Variants in CNTNAP2 observed in about 807,000 individuals in gnomAD.
CNTNAP2 encodes contactin-associated protein-like 2.
CNTNAP2 carries 98 observed loss-of-function variants against 155.2 expected under a neutral mutation model. That is an observed-to-expected ratio of 0.63 (90% confidence interval 0.54 to 0.75). The LOEUF is 0.75. CNTNAP2 is among the 30% of genes least tolerant of loss of function. The probability of loss-of-function intolerance (pLI) is 0.00; values close to 1 mark genes in which losing one functional copy is unlikely to be tolerated. For missense variants in CNTNAP2, 1,727 were observed against 1,688.1 expected, an observed-to-expected ratio of 1.02 and a Z score of -0.40; for synonymous variants, 651 against 631.2, an observed-to-expected ratio of 1.03 and a Z score of -0.47.
intron 9 of CNTNAP2, among the ~76,000 whole-genome samples, chr7:147,388,372 C>T (rs1796656199): frequency 1.3e-5 from 2 of 152,100 alleles, no homozygotes; most frequent in South Asian, 4.1e-4. Context: ...GCATAGAAAC[C>T]AGGATCTGGG....
chr7:147,402,217 T>C (rs1259613715), intron 10 of CNTNAP2, among the ~76,000 whole-genome samples: 2 of 152,188 alleles, frequency 1.3e-5, no homozygotes, highest in Non-Finnish European at 2.9e-5. Context: ...TCAAGAGTTC[T>C]AGATGCCCTA....
intron 3 of CNTNAP2, among the ~76,000 whole-genome samples, chr7:146,984,402 C>T (rs374525975): frequency 6.7e-6 from 1 of 149,666 alleles, no homozygotes; most frequent in East Asian, 2.0e-4. Flanking sequence ...TCTTAACCTG[C>T]TTTTCCCTCC....
At chr7:147,072,039 T>C (rs1025938461) in intron 4 of CNTNAP2, among the ~76,000 whole-genome samples, 3 of 152,102 alleles carry the variant, frequency 2.0e-5, no homozygotes, top group Non-Finnish European at 2.9e-5. Flanking sequence ...TGGAGGATGG[T>C]AGTGCTCTCA....
At chr7:147,742,885 G>A (rs986414674) in intron 13 of CNTNAP2, among the ~76,000 whole-genome samples, 9 of 152,150 alleles carry the variant, frequency 5.9e-5, no homozygotes, top group Non-Finnish European at 8.8e-5. Context: ...ATTTATTTCA[G>A]AGCAAATCAT....
In CNTNAP2 at chr7:148,334,248, A is replaced by C. The variant is rs181903445; in HGVS notation, c.3476-49401A>C. Among the ~76,000 whole-genome samples, 307 of 152,232 alleles carry C rather than the reference A, an allele frequency of 2.0e-3. 2 individuals carry two copies. The highest frequency in any genetic ancestry group is 7.1e-3 in the African/African-American group (293 of 41,528). Reference sequence around the variant, plus strand: ...TTTTGGGTTCGAGGAGGCTGTTTTCATGAGGGATCCCAGGGTCTCTTGGGA... The same window carrying C: ...TTTTGGGTTCGAGGAGGCTGTTTTCCTGAGGGATCCCAGGGTCTCTTGGGA... On this transcript the variant is annotated intron_variant, in intron 21 of 23. Coordinates refer to ENST00000361727, the MANE Select transcript of CNTNAP2 (RefSeq NM_014141.6).
intron 8 of CNTNAP2, among the ~76,000 whole-genome samples, chr7:147,168,398 A>G (rs906782754): frequency 3.9e-5 from 6 of 151,994 alleles, no homozygotes; most frequent in Non-Finnish European, 8.8e-5. Flanking sequence ...GCTATAGTAA[A>G]TATGGATTTT....
chr7:147,550,172 T>C (rs1401199514), intron 11 of CNTNAP2, among the ~76,000 whole-genome samples: 1 of 152,194 alleles, frequency 6.6e-6, no homozygotes, highest in Non-Finnish European at 1.5e-5. Flanking sequence ...AAAAATATAT[T>C]TGGGATTTGT....
At chr7:148,147,796 C>G in intron 17 of CNTNAP2, 87 bp downstream of exon 17, 1 of 1,338,696 alleles carries the variant, frequency 7.5e-7, no homozygotes, top group Non-Finnish European at 1.0e-6. Flanking sequence ...TCAGCCTATG[C>G]AAGGTTTGAT....
intron 9 of CNTNAP2, among the ~76,000 whole-genome samples, chr7:147,306,897 G>A (rs35827268): frequency 0.035 from 5,264 of 152,024 alleles, 126 homozygotes; most frequent in South Asian, 0.053. Flanking sequence ...TAATAATACT[G>A]GAAATAAAAC....
rs115941398 is a variant in CNTNAP2, at chr7:147,069,061, C to T, written c.550+25007C>T. ...GAGGGAGTGAAAGAGAGAGGAAGTG[C>T]CAGGCCATTTTTAACAATCAGATCT... On this transcript the variant is annotated intron_variant, in intron 4 of 23. Transcript: ENST00000361727. Among the ~76,000 whole-genome samples, 446 of 152,064 alleles carry T rather than the reference C, an allele frequency of 2.9e-3. 2 individuals carry two copies. The highest frequency in any genetic ancestry group is 0.01 in the African/African-American group (431 of 41,480).
At chr7:147,127,610 G>A (rs973701237) in intron 6 of CNTNAP2, among the ~76,000 whole-genome samples, 1 of 151,998 alleles carries the variant, frequency 6.6e-6, no homozygotes, top group African/African-American at 2.4e-5. Flanking sequence ...AAGCACCACA[G>A]GCTCAAGTTA....
chr7:147,584,544 T>C (rs1188767183), intron 12 of CNTNAP2, among the ~76,000 whole-genome samples: 1 of 152,242 alleles, frequency 6.6e-6, no homozygotes, highest in Non-Finnish European at 1.5e-5. Context: ...TGAAGTATGA[T>C]GATCTATTCT....
At chr7:147,133,044 A>T (rs912545342) in intron 8 of CNTNAP2, among the ~76,000 whole-genome samples, 1 of 152,146 alleles carries the variant, frequency 6.6e-6, no homozygotes, top group Non-Finnish European at 1.5e-5. Context: ...TTTGTGTATC[A>T]ACTGACGGAA....
At chr7:147,828,328 C>CT (rs1440952959) in intron 13 of CNTNAP2, among the ~76,000 whole-genome samples, 1 of 152,120 alleles carries the variant, frequency 6.6e-6, no homozygotes, top group African/African-American at 2.4e-5. Flanking sequence ...CTGGAAGGGG[C>CT]TTGGGCATTT....
chr7:146,716,359 G>T (rs894432217), intron 1 of CNTNAP2, among the ~76,000 whole-genome samples: 33 of 151,460 alleles, frequency 2.2e-4, no homozygotes, highest in Non-Finnish European at 3.1e-4. Flanking sequence ...GAGGATCAAA[G>T]AAATCAGTGG....
intron 10 of CNTNAP2, among the ~76,000 whole-genome samples, chr7:147,471,612 G>A (rs1798216588): frequency 6.6e-6 from 1 of 152,156 alleles, no homozygotes; most frequent in African/African-American, 2.4e-5. Context: ...TTTAAAAAAA[G>A]AAAAGTGGTT....
chr7:147,930,241 GA>G (rs1800474929), intron 14 of CNTNAP2, among the ~76,000 whole-genome samples: 1 of 152,032 alleles, frequency 6.6e-6, no homozygotes, highest in African/African-American at 2.4e-5. Context: ...TACCTTAAAT[GA>G]AAATAGACTA....
intron 1 of CNTNAP2, among the ~76,000 whole-genome samples, chr7:146,435,954 C>T (rs1796237334): frequency 6.6e-6 from 1 of 152,114 alleles, no homozygotes; most frequent in African/African-American, 2.4e-5. Context: ...CAAGATTTGG[C>T]TGAATCCAAA....
intron 4 of CNTNAP2, chr7:147,080,959 C>T (rs1473314099): frequency 1.3e-5 from 2 of 151,968 alleles, no homozygotes; most frequent in Non-Finnish European, 2.9e-5. Context: ...GTTTATTTCT[C>T]CTCATATGGT....
Sources: gnomAD v4.1 joint callset for allele counts (sites outside exome capture counted in the v4.1 genomes callset) on GRCh38, gnomAD v4.1.1 for gene constraint, MANE v1.5 for transcripts, NCBI Gene and HGNC (gene_info 2026-07-23, HGNC 2026-07-21) for gene names.